CEP57: variants seen among roughly 807,000 people sequenced by gnomAD.
CEP57 encodes the protein centrosomal protein 57.
CEP57 carries 40 observed loss-of-function variants against 68.0 expected under a neutral mutation model. The observed-to-expected ratio is 0.59, with a 90% confidence interval of 0.46 to 0.77. The LOEUF (loss-of-function observed/expected upper bound fraction) is 0.77. CEP57 is among the 30% of genes least tolerant of loss of function. The pLI, the probability that CEP57 is intolerant of heterozygous loss-of-function variation, is 0.00. For missense variants in CEP57, 606 were observed against 580.7 expected (o/e 1.04, Z -0.45); for synonymous variants, 219 against 198.7 (o/e 1.10, Z -0.86).
At chr11:95,791,643 G>A (rs1861083591) in intron 1 of CEP57, among the ~76,000 whole-genome samples, 1 of 152,310 alleles carries the variant, frequency 6.6e-6, no homozygotes, top group South Asian at 2.1e-4. Flanking sequence ...TTTAGGAAGT[G>A]CTACCGTAGT....
At chr11:95,798,234 T>C (rs1591047082) in intron 1 of CEP57, among the ~76,000 whole-genome samples, 1 of 152,226 alleles carries the variant, frequency 6.6e-6, no homozygotes, top group East Asian at 1.9e-4. Context: ...AGAAAATGTT[T>C]TATATTTGCT....
In CEP57 at chr11:95,790,753, A is replaced by C. The variant is rs775697203; in HGVS notation, c.45+10A>C. 1.9e-6 allele frequency: 3 copies of C among 1,613,916 alleles called. No homozygotes were observed. Among genetic ancestry groups the C allele is most frequent in the Non-Finnish European group, 2.5e-6 (3 of 1,179,938 alleles). On this transcript the variant is annotated intron_variant, in intron 1 of 10. Coordinates refer to ENST00000325542, the MANE Select transcript of CEP57 (RefSeq NM_014679.5). ...TGGTTCTCACTTGTCGGTAAGAAGC[A>C]GTTGGCGCGAGTGGGCCCCACGTCG...
At position 95,790,723 on chromosome 11, in the gene CEP57, G is replaced by A. The variant is rs150749300; in HGVS notation, c.25G>A (p.Ala9Thr). MAAASVSA[A>T]SGSHLSNSFA... ...GATGGCGGCGGCGTCTGTCTCTGCG[G>A]CTTCTGGTTCTCACTTGTCGGTAAG... Residue 9 changes from alanine to threonine, a missense_variant, in exon 1 of 11, where the codon GCT (alanine) becomes ACT (threonine). Physicochemically the swap from Ala to Thr is moderately conservative, Grantham distance 58. Transcript: ENST00000325542. 442 of 1,613,980 alleles carry A rather than the reference G, an allele frequency of 2.7e-4. No homozygotes were observed. Among genetic ancestry groups the A allele is most frequent in the Non-Finnish European group, 3.6e-4 (424 of 1,180,016 alleles).
intron 1 of CEP57, chr11:95,794,380 A>C (rs894454396): frequency 1.3e-5 from 6 of 452,656 alleles, no homozygotes; most frequent in African/African-American, 1.2e-4. Flanking sequence ...CTTCAGCTTT[A>C]CTCGGTCATA....
At chr11:95,817,954 TTAATG>T in intron 5 of CEP57, 51 bp downstream of exon 5, 2 of 1,045,764 alleles carry the variant, frequency 1.9e-6, no homozygotes, top group Non-Finnish European at 3.0e-6. Flanking sequence ...TGGTTTTTTT[TTAATG>T]TTAATTATTT....
At chr11:95,812,684 C>G (rs1365298265) in intron 2 of CEP57, among the ~76,000 whole-genome samples, 2 of 152,134 alleles carry the variant, frequency 1.3e-5, no homozygotes, top group African/African-American at 2.4e-5. Context: ...AGGTGATCCA[C>G]CCACCTCAGC....
At chr11:95,798,845 A>T (rs1033483962) in intron 1 of CEP57, among the ~76,000 whole-genome samples, 1 of 152,130 alleles carries the variant, frequency 6.6e-6, no homozygotes, top group African/African-American at 2.4e-5. Flanking sequence ...TAGTTTGTGG[A>T]TGGGGAATAG....
In CEP57 at chr11:95,828,100, T is replaced by A. The variant is rs1259167673; in HGVS notation, c.1127+73T>A. 6 of 1,507,312 alleles carry A rather than the reference T, an allele frequency of 4.0e-6. No individual in the cohort carries two copies. In the Admixed American group the frequency reaches 8.4e-5, roughly 21 times the overall value. 93.4% of individuals were successfully genotyped at this position (1,507,312 alleles called of 1,614,324 possible). ...ATTTTTTAAAAACTTGTTGACTTTA[T>A]TAAATCTTACTTTCCTTTGTTGAGC... On this transcript the variant is annotated intron_variant, in intron 9 of 10. Transcript: ENST00000325542.
chr11:95,791,010 A>G (rs1861027150), intron 1 of CEP57, among the ~76,000 whole-genome samples: 1 of 152,172 alleles, frequency 6.6e-6, no homozygotes, highest in African/African-American at 2.4e-5. Context: ...CGGTTGCCTA[A>G]CATTCCCAAG....
intron 2 of CEP57, among the ~76,000 whole-genome samples, chr11:95,805,861 G>A (rs1355006249): frequency 6.6e-6 from 1 of 152,126 alleles, no homozygotes; most frequent in Non-Finnish European, 1.5e-5. Context: ...TGAATTTAGT[G>A]TATGATCAAT....
chr11:95,827,797 T>C lies in CEP57; in HGVS notation c.897T>C (p.Pro299=). ...MPFVAGKSTS[P]SHAVVANVQL... ...TTTTCTTCCTTTAGTCCACAAGCCC[T>C]AGCCATGCCGTGGTAGCCAATGTTC... Residue 299 remains proline (P), a synonymous_variant, in exon 9 of 11, where the codon CCT becomes CCC. Transcript: ENST00000325542. 1 of 1,614,100 alleles carries C rather than the reference T, an allele frequency of 6.2e-7. No homozygotes were observed. Among genetic ancestry groups the C allele is most frequent in the Non-Finnish European group, 8.5e-7 (1 of 1,179,984 alleles).
At chr11:95,828,927 A>C (rs941863879) in intron 9 of CEP57, among the ~76,000 whole-genome samples, 1 of 151,798 alleles carries the variant, frequency 6.6e-6, no homozygotes, top group African/African-American at 2.4e-5. Context: ...CTGTAGTCCC[A>C]GCTACTCGGG....
At chr11:95,822,835 GTGT>G (rs1862571539) in intron 8 of CEP57, 1 of 469,330 alleles carries the variant, frequency 2.1e-6, no homozygotes, top group Non-Finnish European at 3.9e-6. Context: ...GTTGAAGAAG[GTGT>G]TGTTTCAGAT....
intron 1 of CEP57, among the ~76,000 whole-genome samples, chr11:95,793,879 A>G (rs993400728): frequency 5.9e-5 from 9 of 152,194 alleles, no homozygotes; most frequent in African/African-American, 1.9e-4. Flanking sequence ...TATGCTGTAC[A>G]TGGCAAATGT....
At chr11:95,792,300 T>G (rs1861121597) in intron 1 of CEP57, among the ~76,000 whole-genome samples, 1 of 152,174 alleles carries the variant, frequency 6.6e-6, no homozygotes, top group South Asian at 2.1e-4. Flanking sequence ...TCTCAAAAGT[T>G]AAGCACTTGG....
intron 2 of CEP57, among the ~76,000 whole-genome samples, chr11:95,811,355 T>C (rs949141803): frequency 2.8e-5 from 4 of 144,946 alleles, no homozygotes; most frequent in Admixed American, 2.3e-4. Flanking sequence ...CCACATGTTC[T>C]CACTCATAGG....
intron 9 of CEP57, 82 bp downstream of exon 9, chr11:95,828,109 A>C (rs1862831748): frequency 6.7e-7 from 1 of 1,491,466 alleles, no homozygotes; most frequent in Non-Finnish European, 9.1e-7. Context: ...ATTAAATCTT[A>C]CTTTCCTTTG....
intron 2 of CEP57, 28 bp downstream of exon 2, chr11:95,799,416 A>T: frequency 6.2e-7 from 1 of 1,612,992 alleles, no homozygotes; most frequent in South Asian, 1.1e-5. Context: ...AATAAATGTT[A>T]TTTGTGTTTT....
intron 2 of CEP57, among the ~76,000 whole-genome samples, chr11:95,809,623 A>C (rs1861962183): frequency 6.6e-6 from 1 of 152,226 alleles, no homozygotes; most frequent in Non-Finnish European, 1.5e-5. Flanking sequence ...ATTACTGGAC[A>C]CATACACCCT....
Sources: gnomAD v4.1 joint callset for allele counts (sites outside exome capture counted in the v4.1 genomes callset) on GRCh38, gnomAD v4.1.1 for gene constraint, MANE v1.5 for transcripts, NCBI Gene and HGNC (gene_info 2026-07-23, HGNC 2026-07-21) for gene names.